Variants in MCTP1 observed in about 807,000 individuals in gnomAD.
The protein encoded by MCTP1 is multiple C2 and transmembrane domain-containing protein 1.
MCTP1 carries 69 observed loss-of-function variants against 120.6 expected under a neutral mutation model. The observed-to-expected ratio is 0.57, with a 90% CI of 0.47 to 0.70. The LOEUF is 0.70. MCTP1 is among the 30% of genes least tolerant of loss of function. The probability of loss-of-function intolerance (pLI) is 0.00; values close to 1 mark genes in which losing one functional copy is unlikely to be tolerated. For missense variants in MCTP1, 1,203 were observed against 1,248.8 expected (o/e 0.96, Z 0.55); for synonymous variants, 529 against 493.1 (o/e 1.07, Z -0.96).
chr5:95,178,418 T>G (rs183182560), intron 1 of MCTP1, among the ~76,000 whole-genome samples: 1 of 152,210 alleles, frequency 6.6e-6, no homozygotes, highest in Non-Finnish European at 1.5e-5. Flanking sequence ...GGTGCACTCT[T>G]GTGTTCCTGG....
At chr5:94,926,100 A>G (rs556035015) in intron 6 of MCTP1, among the ~76,000 whole-genome samples, 1 of 152,214 alleles carries the variant, frequency 6.6e-6, no homozygotes, top group Non-Finnish European at 1.5e-5. Context: ...AGCCTTCTAC[A>G]TAAATCATAG....
chr5:94,843,287 G>A (rs764324490), intron 17 of MCTP1, among the ~76,000 whole-genome samples: 2 of 152,138 alleles, frequency 1.3e-5, no homozygotes, highest in Non-Finnish European at 2.9e-5. Flanking sequence ...TGGCAAACAA[G>A]TACAGCTTGA....
At chr5:95,088,179 GC>G (rs1459769875) in intron 1 of MCTP1, among the ~76,000 whole-genome samples, 1 of 152,200 alleles carries the variant, frequency 6.6e-6, no homozygotes, top group African/African-American at 2.4e-5. Context: ...GGCCCACGGG[GC>G]TTTGGGCCAG....
chr5:95,080,483 G>A (rs915655856), intron 1 of MCTP1, among the ~76,000 whole-genome samples: 5 of 152,156 alleles, frequency 3.3e-5, no homozygotes, highest in African/African-American at 1.2e-4. Flanking sequence ...AATGCCAACC[G>A]TTAGCAGACA....
chr5:94,791,170 G>A (rs1377380679), intron 18 of MCTP1, among the ~76,000 whole-genome samples: 1 of 151,396 alleles, frequency 6.6e-6, no homozygotes, highest in Non-Finnish European at 1.5e-5. Flanking sequence ...GCAGTGGCAG[G>A]TGCCTGTAAT....
intron 17 of MCTP1, among the ~76,000 whole-genome samples, chr5:94,809,350 C>G (rs556976064): frequency 3.3e-5 from 5 of 151,838 alleles, no homozygotes; most frequent in Non-Finnish European, 5.9e-5. Flanking sequence ...ACTGACAACT[C>G]CAAAATGTAA....
At position 94,871,389 on chromosome 5, in the gene MCTP1, C is replaced by T; in HGVS notation, c.2065G>A (p.Glu689Lys). Residue 689 changes from glutamate to lysine, a missense_variant, in exon 14 of 23, where the codon GAA (glutamate) becomes AAA (lysine). Transcript: ENST00000515393. The stretch of plus-strand genomic sequence containing the variant: ...CGATCTTCATCATAAACTGTCACTT[C>T]AAGAACTGAATGGATATCTTTAATG... Reference protein sequence around the residue: ...FNIKDIHSVLEVTVYDEDRDR... With the variant: ...FNIKDIHSVLKVTVYDEDRDR... 1 of 1,611,612 alleles carries T rather than the reference C, an allele frequency of 6.2e-7. No homozygotes were observed. The highest frequency in any genetic ancestry group is 8.5e-7 in the Non-Finnish European group (1 of 1,178,266).
rs1245593164 is a variant in MCTP1 at position 95,284,059 on chromosome 5, G to A, written c.517C>T (p.Pro173Ser). ...SSSLSSSPQP[P>S]PRGDRARDEG... ...TCTCGGGCGCGGTCCCCCCTCGGGG[G>A]AGGCTGGGGCGAGGAGGACAGGGAG... The change falls in exon 1 of 23, where the codon CCC (proline) becomes TCC (serine). Residue 173 changes from proline (P) to serine (S), a missense_variant. Pro to Ser is a moderately conservative substitution (Grantham distance 74). Transcript: ENST00000515393. This position sits in a 1 kb window ranked among gnomAD's most constrained non-coding sequence, Gnocchi z 5.2. The A allele has an allele frequency of 3.3e-6, 5 of 1,536,914 alleles. No homozygotes were observed. In the East Asian group the frequency reaches 7.5e-5, roughly 23 times the overall value.
intron 1 of MCTP1, among the ~76,000 whole-genome samples, chr5:95,181,507 T>C (rs1748594087): frequency 6.6e-6 from 1 of 152,226 alleles, no homozygotes; most frequent in Non-Finnish European, 1.5e-5. Context: ...GAGCACTTCC[T>C]GTTCGCATCC....
At chr5:94,866,427 A>G (rs933479381) in intron 17 of MCTP1, among the ~76,000 whole-genome samples, 5 of 151,788 alleles carry the variant, frequency 3.3e-5, no homozygotes, top group Non-Finnish European at 5.9e-5. Context: ...AAACACAGGT[A>G]ATATTATGGG....
chr5:94,744,030 G>C (rs868400485), intron 19 of MCTP1, among the ~76,000 whole-genome samples: 2 of 152,046 alleles, frequency 1.3e-5, no homozygotes, highest in South Asian at 4.1e-4. Context: ...GAGTGCAGTG[G>C]CACCATCACA....
At chr5:95,001,775 G>GA (rs1833753055) in intron 2 of MCTP1, among the ~76,000 whole-genome samples, 1 of 152,108 alleles carries the variant, frequency 6.6e-6, no homozygotes, top group South Asian at 2.1e-4. Flanking sequence ...CCATAGAAAA[G>GA]AAAAAATCAT....
chr5:95,216,559 T>C (rs994410637), intron 1 of MCTP1, among the ~76,000 whole-genome samples: 24 of 152,196 alleles, frequency 1.6e-4, no homozygotes, highest in Admixed American at 1.0e-3. Flanking sequence ...ACACAAATTG[T>C]ATGAGTTTCT....
intron 1 of MCTP1, among the ~76,000 whole-genome samples, chr5:95,236,508 G>A (rs1345551448): frequency 6.6e-6 from 1 of 152,108 alleles, no homozygotes; most frequent in African/African-American, 2.4e-5. Context: ...TACTTCCCGT[G>A]AGGACTGTCT....
At chr5:95,051,409 G>A (rs1745866996) in intron 1 of MCTP1, among the ~76,000 whole-genome samples, 1 of 152,058 alleles carries the variant, frequency 6.6e-6, no homozygotes, top group Non-Finnish European at 1.5e-5. Flanking sequence ...CCCAGAGTGG[G>A]TCCCTAGTGG....
intron 17 of MCTP1, chr5:94,826,189 T>C: frequency 2.5e-6 from 1 of 398,822 alleles, no homozygotes; most frequent in South Asian, 2.5e-5. Flanking sequence ...AAGCATTATC[T>C]GTCCAAGCAA....
chr5:95,280,241 A>G, intron 1 of MCTP1, among the ~76,000 whole-genome samples: 1 of 152,198 alleles, frequency 6.6e-6, no homozygotes, highest in South Asian at 2.1e-4. Flanking sequence ...TCTTATCCCA[A>G]TGAATAGATT....
intron 3 of MCTP1, among the ~76,000 whole-genome samples, chr5:94,949,157 A>G (rs1356409336): frequency 6.6e-6 from 1 of 152,190 alleles, no homozygotes; most frequent in Non-Finnish European, 1.5e-5. Flanking sequence ...AACAATTTAT[A>G]TAAATATATT....
At chr5:95,059,060 T>C (rs1431905576) in intron 1 of MCTP1, among the ~76,000 whole-genome samples, 1 of 152,152 alleles carries the variant, frequency 6.6e-6, no homozygotes, top group Non-Finnish European at 1.5e-5. Flanking sequence ...AGCAATCCCA[T>C]TCCTGGGTAT....
Sources: gnomAD v4.1 joint callset for allele counts (sites outside exome capture counted in the v4.1 genomes callset) on GRCh38, gnomAD v4.1.1 for gene constraint, Gnocchi (gnomAD v3.1) non-coding constraint, MANE v1.5 for transcripts, NCBI Gene and HGNC (gene_info 2026-07-23, HGNC 2026-07-21) for gene names.